The following ETS1 variants were observed in gnomAD, a reference collection of about 807,000 sequenced individuals.
ETS1 encodes the protein protein C-ets-1.
A neutral mutation model predicts 58.6 loss-of-function variants in ETS1; 15 were observed. The observed-to-expected ratio is 0.26, with a 90% CI of 0.17 to 0.39. The LOEUF is 0.39. Ranked by LOEUF, ETS1 falls within the 10% of genes least tolerant of loss-of-function variation. ETS1 has a pLI of 1.00. For synonymous variants in ETS1, 214 were observed against 218.2 expected (o/e 0.98, Z 0.17); for missense variants, 417 against 610.5 (o/e 0.68, Z 3.34).
chr11:128,490,253 T>C (rs1335739497), intron 4 of ETS1, among the ~76,000 whole-genome samples: 4 of 152,316 alleles, frequency 2.6e-5, no homozygotes, highest in East Asian at 1.9e-4. Context: ...ACTGTCTTCA[T>C]ACCAAGATGG....
chr11:128,473,069 G>A (rs1862229860), intron 8 of ETS1, among the ~76,000 whole-genome samples: 1 of 152,028 alleles, frequency 6.6e-6, no homozygotes, highest in Non-Finnish European at 1.5e-5. Flanking sequence ...TTTATACAAT[G>A]GGCATAACAG....
At chr11:128,539,673 A>G (rs1490901743) in intron 3 of ETS1, among the ~76,000 whole-genome samples, 2 of 152,348 alleles carry the variant, frequency 1.3e-5, no homozygotes, top group East Asian at 1.9e-4. Flanking sequence ...AAACTTGTAC[A>G]TTAATGTTAA....
intron 4 of ETS1, 23 bp from the exon 5 acceptor site, chr11:128,489,513 G>A (rs1422214967): frequency 6.2e-7 from 1 of 1,605,948 alleles, no homozygotes; most frequent in Non-Finnish European, 8.5e-7. Flanking sequence ...ATCAGATGAA[G>A]ATCCAGCAGG....
intron 3 of ETS1, among the ~76,000 whole-genome samples, chr11:128,540,893 GGA>G (rs1864048039): frequency 6.6e-6 from 1 of 152,214 alleles, no homozygotes; most frequent in African/African-American, 2.4e-5. Flanking sequence ...AATCAACACA[GGA>G]GAGAGAAGAA....
intron 2 of ETS1, among the ~76,000 whole-genome samples, chr11:128,557,907 T>C (rs1054719946): frequency 1.3e-5 from 2 of 152,214 alleles, no homozygotes; most frequent in Admixed American, 1.3e-4. Context: ...AGTACTACTA[T>C]GTTAGATTCA....
chr11:128,547,612 C>A (rs759679359), intron 3 of ETS1, among the ~76,000 whole-genome samples: 1 of 152,000 alleles, frequency 6.6e-6, no homozygotes, highest in Non-Finnish European at 1.5e-5. Context: ...GATGACACAA[C>A]TTTGAAAATT....
chr11:128,585,315 A>AGTAGGAAGGAAGGAAG (rs1555093277), intron 1 of ETS1, among the ~76,000 whole-genome samples: 1 of 136,358 alleles, frequency 7.3e-6, no homozygotes. Flanking sequence ...AAGGGAGGGA[A>AGTAGGAAGGAAGGAAG]GAAGGAAGGA....
At chr11:128,539,850 G>A (rs1429264894) in intron 3 of ETS1, among the ~76,000 whole-genome samples, 2 of 152,172 alleles carry the variant, frequency 1.3e-5, no homozygotes, top group Non-Finnish European at 2.9e-5. Context: ...ATTATGCTTA[G>A]TGGCCAGTCA....
chr11:128,565,057 T>TAAATAAATAAATAAAA (rs780094990), intron 2 of ETS1, among the ~76,000 whole-genome samples: 68 of 145,880 alleles, frequency 4.7e-4, no homozygotes, highest in South Asian at 1.1e-3. Context: ...AATAAATAAA[T>TAAATAAATAAATAAAA]AAAATAAATG....
In ETS1 at chr11:128,509,017, G is replaced by A. The variant is rs142996001; in HGVS notation, c.215-18441C>T. Among the ~76,000 whole-genome samples, 7 of 152,138 alleles carry A rather than the reference G, an allele frequency of 4.6e-5. No homozygotes were observed. In the East Asian group the frequency reaches 5.8e-4, roughly 13 times the overall value. On this transcript the variant is annotated intron_variant, in intron 3 of 9. Transcript: ENST00000392668. ...TTGATCAAAGCCAGGAGAAACCAGC[G>A]GCAAGTCACCCAGGGCCCAATCTCA...
chr11:128,537,543 C>T (rs763576776), intron 3 of ETS1, among the ~76,000 whole-genome samples: 1 of 152,118 alleles, frequency 6.6e-6, no homozygotes, highest in Non-Finnish European at 1.5e-5. Context: ...AGCTCCCTAC[C>T]CCTGGGAACT....
chr11:128,483,763 G>A (rs1862552195), intron 7 of ETS1, among the ~76,000 whole-genome samples: 1 of 152,142 alleles, frequency 6.6e-6, no homozygotes, highest in Non-Finnish European at 1.5e-5. Flanking sequence ...AGGTACCATT[G>A]GGCTCTCCTC....
intron 8 of ETS1, among the ~76,000 whole-genome samples, chr11:128,472,164 A>G (rs1165761267): frequency 6.6e-6 from 1 of 152,136 alleles, no homozygotes; most frequent in Non-Finnish European, 1.5e-5. Flanking sequence ...TACGCCTTTA[A>G]AGAAAAAAAG....
intron 3 of ETS1, among the ~76,000 whole-genome samples, chr11:128,547,621 T>C (rs1864151773): frequency 2.0e-5 from 3 of 151,874 alleles, no homozygotes; most frequent in South Asian, 2.1e-4. Context: ...ACTTTGAAAA[T>C]TGGTGGCTTT....
chr11:128,543,868 T>A (rs1480547112), intron 3 of ETS1, among the ~76,000 whole-genome samples: 1 of 152,234 alleles, frequency 6.6e-6, no homozygotes, highest in Non-Finnish European at 1.5e-5. Flanking sequence ...TTCCCCTCAC[T>A]AATCTAAATC....
chr11:128,512,142 C>T (rs1863408668), intron 3 of ETS1, among the ~76,000 whole-genome samples: 1 of 152,184 alleles, frequency 6.6e-6, no homozygotes, highest in Non-Finnish European at 1.5e-5. Flanking sequence ...ATCTGAACTC[C>T]TCCACTCAGC....
At position 128,461,821 on chromosome 11, in the gene ETS1, C is replaced by G. The variant is rs1861912568; in HGVS notation, c.*540G>C. 6.5e-6 allele frequency: 1 copy of G among 152,926 alleles called. No homozygotes were observed. Among genetic ancestry groups the G allele is most frequent in the South Asian group, 2.1e-4 (1 of 4,826 alleles). 9.5% of individuals were successfully genotyped at this position (152,926 alleles called of 1,614,324 possible). On this transcript the variant is annotated 3_prime_UTR_variant, in exon 10 of 10. Transcript: ENST00000392668. ...TAACACAACAACGGTTTTGGCCCCT[C>G]CCCACTGAAGTCCATCTTTGCTTCA... is the stretch of plus-strand genomic sequence containing the variant.
At chr11:128,491,227 C>A (rs1460614015) in intron 3 of ETS1, among the ~76,000 whole-genome samples, 1 of 152,102 alleles carries the variant, frequency 6.6e-6, no homozygotes, top group South Asian at 2.1e-4. Flanking sequence ...ATTCATTCAA[C>A]AAATGATTAT....
At chr11:128,559,146 C>T (rs938975546) in intron 2 of ETS1, among the ~76,000 whole-genome samples, 13 of 152,048 alleles carry the variant, frequency 8.5e-5, no homozygotes, top group African/African-American at 3.1e-4. Flanking sequence ...TGTTACAGGC[C>T]CTGCTAGGGT....
Sources: gnomAD v4.1 joint callset for allele counts (sites outside exome capture counted in the v4.1 genomes callset) on GRCh38, gnomAD v4.1.1 for gene constraint, MANE v1.5 for transcripts, NCBI Gene and HGNC (gene_info 2026-07-23, HGNC 2026-07-21) for gene names.